OR5A1: variants seen among roughly 807,000 people sequenced by gnomAD.
OR5A1 encodes olfactory receptor 5A1.
A neutral mutation model predicts 6.7 loss-of-function variants in OR5A1; 6 were observed. That is an observed-to-expected ratio of 0.89 (90% CI 0.49 to 1.76). The LOEUF (loss-of-function observed/expected upper bound fraction) is 1.76, where lower values mean the gene tolerates loss of function less well. Among genes scored for constraint, OR5A1 ranks in the 40% most tolerant of loss-of-function variants. OR5A1 has a pLI of 0.01. For synonymous variants in OR5A1, 170 were observed against 155.0 expected (o/e 1.10, Z -0.72); for missense variants, 378 against 381.7 (o/e 0.99, Z 0.08).
chr11:59,443,715 G>A lies in OR5A1; in HGVS notation c.547G>A (p.Asp183Asn), dbSNP rs6591536. Residue 183 changes from aspartate (D) to asparagine (N), a missense_variant, in exon 2 of 2, where the codon GAC (aspartate) becomes AAC (asparagine). By Grantham distance (23) the Asp-to-Asn change is conservative. Transcript: ENST00000641045. Reference sequence around the variant, plus strand: ...CAACATCATCAACCACTTCTTCTGCGACCTCCCACCAGTCCTGGCTCTGTC... The same window carrying A: ...CAACATCATCAACCACTTCTTCTGCAACCTCCCACCAGTCCTGGCTCTGTC... ...GPNIINHFFC[D>N]LPPVLALSCS... 0.66 allele frequency: 1,069,881 copies of A among 1,613,526 alleles called. 357,489 individuals carry two copies. The highest frequency in any genetic ancestry group is 0.74 in the South Asian group (67,772 of 91,058).
At position 59,448,059 on chromosome 11, in the gene OR5A1, A is replaced by AT. The variant is rs1399331906; in HGVS notation, c.*3944dup. 1 of 152,236 alleles carries AT rather than the reference A, an allele frequency of 6.6e-6. No individual in the cohort carries two copies. Among genetic ancestry groups the AT allele is most frequent in the Non-Finnish European group, 1.5e-5 (1 of 68,040 alleles). The allele number at this position is 152,236 out of a possible 1,614,324, so 9.4% of individuals were successfully genotyped here. ...ATGATAGCTGATGAGCTTTAAAAAA[A>AT]TCACAAAAAAACTCTTAATGTGTTA... On this transcript the variant is annotated 3_prime_UTR_variant, in exon 2 of 2. Coordinates refer to ENST00000641045, the MANE Select transcript of OR5A1 (RefSeq NM_001004728.2).
intron 1 of OR5A1, 139 bp from the exon 2 acceptor site, chr11:59,442,997 G>C: frequency 1.7e-6 from 1 of 595,096 alleles, no homozygotes; most frequent in East Asian, 2.8e-5. Flanking sequence ...TTGAGAGAGA[G>C]AGACTGAGAC....
intron 1 of OR5A1, among the ~76,000 whole-genome samples, chr11:59,440,978 T>C (rs1180430252): frequency 6.6e-6 from 1 of 152,186 alleles, no homozygotes; most frequent in Non-Finnish European, 1.5e-5. Context: ...GAAGGAACTA[T>C]TGACAGGGGA....
Position 59,444,288 on chromosome 11 carries a change from T to C in OR5A1, c.*172T>C. 1 of 274,280 alleles carries C rather than the reference T, an allele frequency of 3.6e-6. No individual in the cohort carries two copies. Among genetic ancestry groups the C allele is most frequent in the Non-Finnish European group, 6.3e-6 (1 of 158,714 alleles). 17.0% of individuals were successfully genotyped at this position (274,280 alleles called of 1,614,324 possible). A position where few individuals can be genotyped will look rare whatever the true frequency, so the allele number is the denominator to read the frequency against. On this transcript the variant is annotated 3_prime_UTR_variant, in exon 2 of 2. Transcript: ENST00000641045. ...GGTCACTTGTCTACTGACTGTGCCA[T>C]AGATAGCCAAAAAGGGAAGGAATTT...
At position 59,444,027 on chromosome 11, in the gene OR5A1, A is replaced by C. The variant is rs1193016504; in HGVS notation, c.859A>C (p.Met287Leu). Residue 287 changes from methionine to leucine, a missense_variant, in exon 2 of 2, where the codon ATG becomes CTG. Coordinates refer to ENST00000641045, the MANE Select transcript of OR5A1 (RefSeq NM_001004728.2). ...TGTTTTCTATTCATTGGTGATCCCCATGCTGAACCCTCTCATTTACAGTTT... is the reference window on the plus strand; with the variant it reads ...TGTTTTCTATTCATTGGTGATCCCCCTGCTGAACCCTCTCATTTACAGTTT... ...VSVFYSLVIP[M>L]LNPLIYSLRN... The C allele has an allele frequency of 6.2e-7, 1 of 1,614,140 alleles. No homozygotes were observed. The highest frequency in any genetic ancestry group is 1.7e-5 in the Admixed American group (1 of 60,026).
At chr11:59,441,093 T>C (rs984681406) in intron 1 of OR5A1, among the ~76,000 whole-genome samples, 2 of 152,156 alleles carry the variant, frequency 1.3e-5, no homozygotes, top group African/African-American at 2.4e-5. Context: ...TGTGGATTGA[T>C]TTGTGAAAAT....
chr11:59,443,332 A>T lies in OR5A1; in HGVS notation c.164A>T (p.Asp55Val). Reference sequence around the variant, plus strand: ...GCCCTCATTTTTCTGATCAGAGGTGACACCCATCTGCACACACCCATGTAC... The same window carrying T: ...GCCCTCATTTTTCTGATCAGAGGTGTCACCCATCTGCACACACCCATGTAC... The part of the protein sequence containing the change: ...NLALIFLIRG[D>V]THLHTPMYFF... The change falls in exon 2 of 2, where the codon GAC becomes GTC. Residue 55 changes from aspartate to valine, a missense_variant. Asp to Val is a radical substitution (Grantham distance 152). Coordinates refer to ENST00000641045, the MANE Select transcript of OR5A1 (RefSeq NM_001004728.2). The T allele has an allele frequency of 6.2e-7, 1 of 1,613,770 alleles. No homozygotes were observed. The highest frequency in any genetic ancestry group is 8.5e-7 in the Non-Finnish European group (1 of 1,180,008).
At position 59,442,003 on chromosome 11, in the gene OR5A1, TAGAC is replaced by T. The variant is rs554011579; in HGVS notation, c.-33-1129_-33-1126del. ...AGATAGATAGATGATAGATGATAAT[TAGAC>T]AGATCCTATAACAAAGTAAATACTA... On this transcript the variant is annotated intron_variant, in intron 1 of 1. Coordinates refer to ENST00000641045, the MANE Select transcript of OR5A1 (RefSeq NM_001004728.2). 1.4e-3 allele frequency among the ~76,000 whole-genome samples: 208 copies of T among 152,178 alleles called. 1 individual carries two copies. Among genetic ancestry groups the T allele is most frequent in the African/African-American group, 4.7e-3 (196 of 41,514 alleles).
At chr11:59,438,139 C>T (rs997218449) in intron 1 of OR5A1, among the ~76,000 whole-genome samples, 1 of 152,152 alleles carries the variant, frequency 6.6e-6, no homozygotes, top group Non-Finnish European at 1.5e-5. Context: ...CAGATGCCAG[C>T]GCCACACTTC....
Position 59,443,576 on chromosome 11 carries a change from C to A in OR5A1, c.408C>A (p.Pro136=), listed in dbSNP as rs768387584. 2 of 1,613,972 alleles carry A rather than the reference C, an allele frequency of 1.2e-6. No homozygotes were observed. The highest frequency in any genetic ancestry group is 1.7e-6 in the Non-Finnish European group (2 of 1,180,022). Residue 136 remains proline, a synonymous_variant, in exon 2 of 2, where the codon CCC becomes CCA. Transcript: ENST00000641045. ...YAAISSPLLY[P]TIMTQGLCTR... Reference sequence around the variant, plus strand: ...CCATCTCCAGCCCCCTTCTCTACCCCACTATCATGACCCAGGGCCTCTGTA... The same window carrying A: ...CCATCTCCAGCCCCCTTCTCTACCCAACTATCATGACCCAGGGCCTCTGTA...
chr11:59,448,413 G>A lies in OR5A1; in HGVS notation c.*4297G>A, dbSNP rs1858577174. Reference sequence around the variant, plus strand: ...AGCCTCATCTAGTGGAATCCAATTTGTCAGTATCTCCAGGTCTCAGTCAAG... The same window carrying A: ...AGCCTCATCTAGTGGAATCCAATTTATCAGTATCTCCAGGTCTCAGTCAAG... On this transcript the variant is annotated 3_prime_UTR_variant, in exon 2 of 2. Transcript: ENST00000641045. 6.6e-6 allele frequency: 1 copy of A among 152,170 alleles called. No individual in the cohort carries two copies. The highest frequency in any genetic ancestry group is 6.5e-5 in the Admixed American group (1 of 15,270). The allele number at this position is 152,170 out of a possible 1,614,324, so 9.4% of individuals were successfully genotyped here.
At position 59,448,707 on chromosome 11, in the gene OR5A1, G is replaced by A. The variant is rs1858581139; in HGVS notation, c.*4591G>A. On this transcript the variant is annotated 3_prime_UTR_variant, in exon 2 of 2. Transcript: ENST00000641045. ...CAGTTGTAAGTTCATGCTTGAGGGT[G>A]GGGTCACATCTGTCTCTTCACAAAT... 1.3e-5 allele frequency: 2 copies of A among 152,078 alleles called. No individual in the cohort carries two copies. The highest frequency in any genetic ancestry group is 4.2e-4 in the South Asian group (2 of 4,818). 9.4% of individuals were successfully genotyped at this position (152,078 alleles called of 1,614,324 possible). A position where few individuals can be genotyped will look rare whatever the true frequency, so the allele number is the denominator to read the frequency against.
intron 1 of OR5A1, 94 bp from the exon 2 acceptor site, chr11:59,443,042 A>C: frequency 3.1e-6 from 2 of 654,422 alleles, no homozygotes; most frequent in Non-Finnish European, 2.7e-6. Context: ...TCTTTGCATA[A>C]AGCTGTAACC....
chr11:59,443,281 A>G lies in OR5A1; in HGVS notation c.113A>G (p.Tyr38Cys). ...ALLFVTFLGIYLTTLAWNLAL... is the reference protein window; with the variant it reads ...ALLFVTFLGICLTTLAWNLAL... ...CTCTTTGTGACCTTCCTGGGCATCT[A>G]TCTTACCACCCTGGCCTGGAACCTG... Residue 38 changes from tyrosine to cysteine, a missense_variant, in exon 2 of 2, where the codon TAT becomes TGT. By Grantham distance (194) the Tyr-to-Cys change is radical (BLOSUM62 -2). Transcript: ENST00000641045. 6.2e-7 allele frequency: 1 copy of G among 1,613,882 alleles called. No individual in the cohort carries two copies. Among genetic ancestry groups the G allele is most frequent in the Non-Finnish European group, 8.5e-7 (1 of 1,179,972 alleles).
intron 1 of OR5A1, among the ~76,000 whole-genome samples, chr11:59,437,093 C>T (rs1236242682): frequency 6.6e-6 from 1 of 152,148 alleles, no homozygotes; most frequent in Non-Finnish European, 1.5e-5. Flanking sequence ...TCCTTTTACT[C>T]CTACACATGC....
chr11:59,441,808 G>GCAACAACAA (rs1385351595), intron 1 of OR5A1, among the ~76,000 whole-genome samples: 2 of 152,206 alleles, frequency 1.3e-5, no homozygotes, highest in East Asian at 3.9e-4. Context: ...AATAACAACA[G>GCAACAACAA]CAACAACAAC....
rs1471420188 is a variant in OR5A1 at position 59,443,941 on chromosome 11, C to T, written c.773C>T (p.Ala258Val). The stretch of plus-strand genomic sequence containing the variant: ...GTGGTGACTCTGCTGTTTGGGACAG[C>T]CCTTTTCGTGTACTTGCGACCCAGC... ...LMVVTLLFGT[A>V]LFVYLRPSSS... Residue 258 changes from alanine (A) to valine (V), a missense_variant, in exon 2 of 2, where the codon GCC (alanine) becomes GTC (valine). Coordinates refer to ENST00000641045, the MANE Select transcript of OR5A1 (RefSeq NM_001004728.2). 1.2e-6 allele frequency: 2 copies of T among 1,613,970 alleles called. No homozygotes were observed. The highest frequency in any genetic ancestry group is 1.7e-6 in the Non-Finnish European group (2 of 1,180,022).
Position 59,444,942 on chromosome 11 carries a change from T to C in OR5A1, c.*826T>C, listed in dbSNP as rs2134539097. ...GTCCCCTAAACTGCCTATCAGTCAG[T>C]ACCTCCTTGATTTTTCTTTAATATT... is the stretch of plus-strand genomic sequence containing the variant. On this transcript the variant is annotated 3_prime_UTR_variant, in exon 2 of 2. Transcript: ENST00000641045. The C allele has an allele frequency of 6.6e-6, 1 of 152,202 alleles. No homozygotes were observed. The highest frequency in any genetic ancestry group is 1.9e-4 in the East Asian group (1 of 5,188). 9.4% of individuals were successfully genotyped at this position (152,202 alleles called of 1,614,324 possible).
At chr11:59,441,523 C>T (rs927314119) in intron 1 of OR5A1, among the ~76,000 whole-genome samples, 10 of 152,094 alleles carry the variant, frequency 6.6e-5, no homozygotes, top group Non-Finnish European at 1.5e-4. Flanking sequence ...TATTCCAAAC[C>T]TTTAAGGGTC....
Sources: allele counts gnomAD v4.1 joint callset (sites outside exome capture counted in the v4.1 genomes callset), GRCh38; gene constraint gnomAD v4.1.1; transcripts MANE v1.5; gene names NCBI Gene and HGNC (gene_info 2026-07-23, HGNC 2026-07-21).